Variants in SEM1 observed in about 807,000 individuals in gnomAD.
SEM1 encodes the protein 26S proteasome complex subunit SEM1.
A neutral mutation model predicts 12.7 loss-of-function variants in SEM1; 3 were observed. The ratio of observed to expected loss-of-function variants is 0.24; its 90% confidence interval spans 0.11 to 0.61. The LOEUF (loss-of-function observed/expected upper bound fraction) is 0.61. SEM1 is among the 20% of genes least tolerant of loss of function. SEM1 has a pLI of 0.88. For missense variants in SEM1, 59 were observed against 81.3 expected (o/e 0.73, Z 1.06); for synonymous variants, 30 against 27.8 (o/e 1.08, Z -0.25).
chr7:96,672,008 A>G (rs575877181), downstream of SEM1, among the ~76,000 whole-genome samples: 27 of 152,344 alleles, frequency 1.8e-4, no homozygotes, highest in South Asian at 3.9e-3. Context: ...CTGGCTGATG[A>G]CATGGCCTGT....
intron 2 of SEM1, among the ~76,000 whole-genome samples, chr7:96,562,481 C>T (rs1013269668): frequency 8.5e-5 from 13 of 152,078 alleles, no homozygotes; most frequent in Non-Finnish European, 1.3e-4. Flanking sequence ...TAAGTAAAAA[C>T]GATATCACCC....
chr7:96,669,888 A>G (rs1238723770), downstream of SEM1, among the ~76,000 whole-genome samples: 4 of 152,208 alleles, frequency 2.6e-5, no homozygotes, highest in Non-Finnish European at 5.9e-5. Flanking sequence ...TTGTTGACAC[A>G]GGGCTTCATT....
At chr7:96,602,192 G>A (rs1444483029) in intron 2 of SEM1, among the ~76,000 whole-genome samples, 2 of 152,272 alleles carry the variant, frequency 1.3e-5, no homozygotes, top group East Asian at 3.9e-4. Flanking sequence ...GGTAAGAAGA[G>A]GTGTTTAATG....
At chr7:96,515,276 T>C (rs1016148768) in intron 2 of SEM1, among the ~76,000 whole-genome samples, 3 of 152,074 alleles carry the variant, frequency 2.0e-5, no homozygotes, top group African/African-American at 7.2e-5. Context: ...TATGAAAAAA[T>C]GGTCATCATC....
downstream of SEM1, among the ~76,000 whole-genome samples, chr7:96,683,901 T>C (rs1036092166): frequency 2.6e-5 from 4 of 151,980 alleles, no homozygotes; most frequent in African/African-American, 7.3e-5. Flanking sequence ...AGGGGAGGGA[T>C]AGCATTAGGA....
chr7:96,496,344 G>C (rs1435755159), upstream of SEM1: 2 of 1,403,570 alleles, frequency 1.4e-6, no homozygotes, highest in Non-Finnish European at 9.7e-7. Context: ...TTGTTTCTCT[G>C]TGTGAAATAA....
intron 2 of SEM1, among the ~76,000 whole-genome samples, chr7:96,564,034 C>T (rs1805771757): frequency 6.6e-6 from 1 of 151,950 alleles, no homozygotes; most frequent in Admixed American, 6.6e-5. Context: ...GTGTCTGAGA[C>T]AGTATATATA....
chr7:96,535,525 A>C (rs888091540), intron 2 of SEM1, among the ~76,000 whole-genome samples: 6 of 151,826 alleles, frequency 4.0e-5, no homozygotes, highest in Non-Finnish European at 7.4e-5. Context: ...AGGCAAACTC[A>C]CAACTTGGAA....
chr7:96,556,985 G>T (rs1280230117), intron 2 of SEM1, among the ~76,000 whole-genome samples: 2 of 149,322 alleles, frequency 1.3e-5, no homozygotes, highest in East Asian at 4.0e-4. Context: ...GATCACATCG[G>T]CTCCCGAGGC....
intron 2 of SEM1, among the ~76,000 whole-genome samples, chr7:96,693,989 G>A (rs1449080884): frequency 6.6e-6 from 1 of 151,878 alleles, no homozygotes; most frequent in Non-Finnish European, 1.5e-5. Context: ...TATGGAACAT[G>A]TATATGAATA....
At chr7:96,618,071 C>T (rs1043631193), downstream of SEM1, among the ~76,000 whole-genome samples, 1 of 152,162 alleles carries the variant, frequency 6.6e-6, no homozygotes, top group Non-Finnish European at 1.5e-5. Context: ...CCCCCCTCCT[C>T]ATTTTTTAAA....
chr7:96,700,679 A>T (rs1315516927), intron 1 of SEM1, among the ~76,000 whole-genome samples: 2 of 152,196 alleles, frequency 1.3e-5, no homozygotes, highest in East Asian at 3.8e-4. Flanking sequence ...TGTTTAACAA[A>T]CAAGTAGTAA....
chr7:96,531,475 G>A (rs1415832288), intron 2 of SEM1, among the ~76,000 whole-genome samples: 1 of 151,332 alleles, frequency 6.6e-6, no homozygotes, highest in Non-Finnish European at 1.5e-5. Flanking sequence ...AGGGTGGTGT[G>A]CATCTGTAAT....
At chr7:96,622,657 A>C in intron 2 of SEM1, 1 of 764,112 alleles carries the variant, frequency 1.3e-6, no homozygotes, top group Non-Finnish European at 2.4e-6. Flanking sequence ...GAAAAATTAG[A>C]AAGTAGGTGA....
At chr7:96,611,130 T>C (rs1044948514) in intron 2 of SEM1, among the ~76,000 whole-genome samples, 3 of 152,194 alleles carry the variant, frequency 2.0e-5, no homozygotes, top group East Asian at 3.8e-4. Flanking sequence ...CTCTCATTTT[T>C]TCTAAAAATC....
intron 2 of SEM1, among the ~76,000 whole-genome samples, chr7:96,553,039 GTTGT>G (rs1324760101): frequency 8.6e-5 from 13 of 151,990 alleles, no homozygotes; most frequent in East Asian, 1.9e-4. Context: ...TTTTGATGGG[GTTGT>G]TTGTTTTTTT....
intron 2 of SEM1, among the ~76,000 whole-genome samples, chr7:96,674,319 G>C (rs1197752064): frequency 6.6e-6 from 1 of 152,046 alleles, no homozygotes; most frequent in Non-Finnish European, 1.5e-5. Context: ...ATAGAGCAGT[G>C]TTTATACATA....
At chr7:96,616,547 G>A (rs946860762) in intron 2 of SEM1, among the ~76,000 whole-genome samples, 3 of 151,966 alleles carry the variant, frequency 2.0e-5, no homozygotes, top group Non-Finnish European at 4.4e-5. Flanking sequence ...AAGCTTTTTA[G>A]TTTAGTTAAG....
intron 1 of SEM1, among the ~76,000 whole-genome samples, chr7:96,487,206 C>A (rs1343025726): frequency 6.7e-6 from 1 of 149,840 alleles, no homozygotes; most frequent in African/African-American, 2.5e-5. Context: ...ATCAAGAAAA[C>A]AATATTTTGA....
Sources: allele counts gnomAD v4.1 joint callset (sites outside exome capture counted in the v4.1 genomes callset), GRCh38; gene constraint gnomAD v4.1.1; transcripts MANE v1.5; gene names NCBI Gene and HGNC (gene_info 2026-07-23, HGNC 2026-07-21).